USP45: variants seen among roughly 807,000 people sequenced by gnomAD.
USP45 encodes the protein ubiquitin specific peptidase 45.
In USP45, 89 loss-of-function variants were observed where a neutral mutation model predicts 95.8. That is an observed-to-expected ratio of 0.93 (90% CI 0.78 to 1.11). The LOEUF is 1.11. USP45 is among the 50% of genes least tolerant of loss of function. The probability of loss-of-function intolerance (pLI) is 0.00; values close to 1 mark genes in which losing one functional copy is unlikely to be tolerated. For missense variants in USP45, 898 were observed against 942.5 expected (o/e 0.95, Z 0.62); for synonymous variants, 281 against 316.2 (o/e 0.89, Z 1.18).
intron 5 of USP45, among the ~76,000 whole-genome samples, chr6:99,493,396 G>A (rs1481934788): frequency 6.6e-6 from 1 of 152,198 alleles, no homozygotes; most frequent in African/African-American, 2.4e-5. Context: ...TGTTGTGCAT[G>A]TGTTTACTAA....
At chr6:99,436,456 T>C (rs1279042779) in intron 17 of USP45, among the ~76,000 whole-genome samples, 1 of 152,000 alleles carries the variant, frequency 6.6e-6, no homozygotes, top group East Asian at 1.9e-4. Flanking sequence ...CTTGGGAGGC[T>C]GAGGCAGGAG....
chr6:99,459,691 T>C (rs181037772), intron 13 of USP45, among the ~76,000 whole-genome samples: 1 of 152,342 alleles, frequency 6.6e-6, no homozygotes, highest in African/African-American at 2.4e-5. Context: ...TGTGACATGG[T>C]ATCTCATTGT....
chr6:99,437,938 G>A (rs1223131000), intron 16 of USP45, among the ~76,000 whole-genome samples: 4 of 152,114 alleles, frequency 2.6e-5, no homozygotes, highest in Admixed American at 6.5e-5. Context: ...GATTACAGGC[G>A]TAAGCCACTG....
intron 13 of USP45, among the ~76,000 whole-genome samples, chr6:99,447,119 T>A (rs898208091): frequency 1.3e-5 from 2 of 152,132 alleles, no homozygotes; most frequent in Admixed American, 6.5e-5. Context: ...CTATAAACTA[T>A]TATGACACAG....
At chr6:99,493,829 T>C (rs923919773) in intron 5 of USP45, among the ~76,000 whole-genome samples, 3 of 152,176 alleles carry the variant, frequency 2.0e-5, no homozygotes, top group African/African-American at 7.2e-5. Context: ...AGCTTATAGC[T>C]TCTACTGAAG....
rs1253333523 is a variant in USP45, at chr6:99,488,200, C to T, written c.714G>A (p.Leu238=). Residue 238 remains leucine (L), a splice_region_variant and synonymous_variant, in exon 7 of 18, where the codon CTG becomes CTA. Transcript: ENST00000500704. ...TATTATTCAAACAGTTATTACTCAC[C>T]AGCTGAGAGTCTGAGGAAGGAAAAA... ...LKIFPSSDSQ[L]DPLVVELSRP... is the part of the protein sequence containing the mutation. The T allele has an allele frequency of 5.6e-6, 9 of 1,596,474 alleles. No individual in the cohort carries two copies. The highest frequency in any genetic ancestry group is 6.9e-6 in the Non-Finnish European group (8 of 1,165,354).
rs118114768 is a variant in USP45, at chr6:99,504,264, C to T, written c.378-399G>A. ...CAAGTGACTCTCCTGCCTCAGCCAC[C>T]CAGTAGCTGGGATTACAGGCATGCA... On this transcript the variant is annotated intron_variant, in intron 4 of 17. Coordinates refer to ENST00000500704, the MANE Select transcript of USP45 (RefSeq NM_001346022.3). Among the ~76,000 whole-genome samples, 489 of 152,276 alleles carry T rather than the reference C, an allele frequency of 3.2e-3. 3 individuals are homozygous for T. The highest frequency in any genetic ancestry group is 5.4e-3 in the Non-Finnish European group (364 of 68,016).
chr6:99,494,025 A>G (rs1415202870), intron 5 of USP45, among the ~76,000 whole-genome samples: 1 of 152,206 alleles, frequency 6.6e-6, no homozygotes, highest in Admixed American at 6.5e-5. Context: ...CTACAACAAT[A>G]AAGACAAACT....
chr6:99,448,164 G>A (rs915023148), intron 13 of USP45, among the ~76,000 whole-genome samples: 7 of 152,204 alleles, frequency 4.6e-5, no homozygotes, highest in East Asian at 3.8e-4. Context: ...ACAGCTCCTC[G>A]CCAGCAACGG....
chr6:99,516,299 ATT>A (rs1801105329), upstream of USP45, among the ~76,000 whole-genome samples: 3 of 152,312 alleles, frequency 2.0e-5, no homozygotes, highest in South Asian at 6.2e-4. Flanking sequence ...GTTTGAAAAT[ATT>A]TTGTTTCAAT....
chr6:99,476,274 T>C (rs747471531), intron 8 of USP45, 44 bp from the exon 9 acceptor site: 28 of 1,551,852 alleles, frequency 1.8e-5, no homozygotes, highest in Non-Finnish European at 2.5e-5. Flanking sequence ...AGAATAATCA[T>C]TCCATGGTTC....
chr6:99,452,550 G>GA (rs1347632473), intron 13 of USP45, among the ~76,000 whole-genome samples: 1 of 152,188 alleles, frequency 6.6e-6, no homozygotes, highest in African/African-American at 2.4e-5. Context: ...AGGATGTGGA[G>GA]AAATAGGAAC....
chr6:99,442,855 CA>C (rs1781783343), intron 15 of USP45, among the ~76,000 whole-genome samples: 1 of 151,416 alleles, frequency 6.6e-6, no homozygotes, highest in African/African-American at 2.4e-5. Context: ...TCTACCCTCC[CA>C]AAAAAATTAT....
At chr6:99,449,178 T>C (rs1431556214) in intron 13 of USP45, among the ~76,000 whole-genome samples, 1 of 152,122 alleles carries the variant, frequency 6.6e-6, no homozygotes, top group Admixed American at 6.5e-5. Context: ...AATATTAACC[T>C]TAAATGTACA....
intron 11 of USP45, 46 bp from the exon 12 acceptor site, chr6:99,465,182 A>T (rs1344134032): frequency 1.3e-6 from 2 of 1,492,042 alleles, no homozygotes; most frequent in Non-Finnish European, 1.8e-6. Flanking sequence ...ATTCTAATAT[A>T]AACATACAGT....
chr6:99,481,253 T>C (rs931387645), intron 8 of USP45, among the ~76,000 whole-genome samples: 2 of 152,214 alleles, frequency 1.3e-5, no homozygotes, highest in Non-Finnish European at 2.9e-5. Flanking sequence ...ATAAAATATA[T>C]CAAGCAAGTT....
intron 5 of USP45, among the ~76,000 whole-genome samples, chr6:99,493,002 T>A (rs535570681): frequency 1.3e-5 from 2 of 152,074 alleles, no homozygotes; most frequent in African/African-American, 4.8e-5. Flanking sequence ...CATAGTAAAC[T>A]AGTAAACAGC....
At chr6:99,437,484 A>G in intron 16 of USP45, 85 bp from the exon 17 acceptor site, 1 of 1,309,258 alleles carries the variant, frequency 7.6e-7, no homozygotes, top group Non-Finnish European at 1.0e-6. Context: ...TATCTGCTTA[A>G]CATAAGAAAA....
At chr6:99,515,649 G>T (rs1801032922), upstream of USP45, among the ~76,000 whole-genome samples, 1 of 152,084 alleles carries the variant, frequency 6.6e-6, no homozygotes, top group Non-Finnish European at 1.5e-5. Context: ...CTAGCAATTT[G>T]TTAGGATCCT....
Sources: allele counts gnomAD v4.1 joint callset (sites outside exome capture counted in the v4.1 genomes callset), GRCh38; gene constraint gnomAD v4.1.1; transcripts MANE v1.5; gene names NCBI Gene and HGNC (gene_info 2026-07-23, HGNC 2026-07-21).